The following WDPCP variants were observed in gnomAD, a reference collection of about 807,000 sequenced individuals.
WDPCP encodes the protein WD repeat containing planar cell polarity effector.
WDPCP carries 71 observed loss-of-function variants against 93.1 expected under a neutral mutation model. The ratio of observed to expected loss-of-function variants is 0.76; its 90% CI spans 0.63 to 0.93. The LOEUF is 0.93. Ranked by LOEUF, WDPCP falls within the 40% of genes least tolerant of loss-of-function variation. The pLI is 0.00. For synonymous variants in WDPCP, 315 were observed against 315.0 expected (o/e 1.00, Z 0.00); for missense variants, 844 against 887.4 (o/e 0.95, Z 0.62).
chr2:63,607,408 A>G (rs1272118480), intron 3 of WDPCP, among the ~76,000 whole-genome samples: 1 of 150,732 alleles, frequency 6.6e-6, no homozygotes, highest in Non-Finnish European at 1.5e-5. Context: ...GTGGTGGCAC[A>G]GGTCTGAAAT....
chr2:63,237,039 A>C (rs1478478064), intron 14 of WDPCP, among the ~76,000 whole-genome samples: 1 of 152,160 alleles, frequency 6.6e-6, no homozygotes, highest in East Asian at 1.9e-4. Context: ...CAACAGAATA[A>C]ATAGATAACC....
chr2:63,725,367 G>C (rs539578507), intron 2 of WDPCP, among the ~76,000 whole-genome samples: 55 of 152,298 alleles, frequency 3.6e-4, no homozygotes, highest in Non-Finnish European at 6.6e-4. Flanking sequence ...TGCTGCAAAG[G>C]ACATAGTTTC....
intron 2 of WDPCP, among the ~76,000 whole-genome samples, chr2:63,669,642 G>A (rs1042626758): frequency 2.6e-5 from 4 of 152,176 alleles, no homozygotes; most frequent in African/African-American, 9.7e-5. Flanking sequence ...TTACAAGTGT[G>A]AGCCACCGTG....
intron 12 of WDPCP, among the ~76,000 whole-genome samples, chr2:63,329,213 T>A (rs12466601): frequency 2.0e-5 from 3 of 152,090 alleles, no homozygotes; most frequent in Non-Finnish European, 1.5e-5. Flanking sequence ...CCACTGGCCC[T>A]GGCAATAACT....
chr2:63,651,155 G>A (rs1710104652), intron 2 of WDPCP, among the ~76,000 whole-genome samples: 1 of 151,958 alleles, frequency 6.6e-6, no homozygotes, highest in East Asian at 1.9e-4. Flanking sequence ...CTGTCAGCCT[G>A]GACTGCTCAT....
At chr2:63,313,370 G>A (rs1686330201) in intron 12 of WDPCP, 59 bp from the exon 13 acceptor site, 3 of 1,495,342 alleles carry the variant, frequency 2.0e-6, no homozygotes, top group Non-Finnish European at 1.8e-6. Flanking sequence ...AAAGAAAAGA[G>A]CTGTTTATTT....
chr2:63,325,165 T>C (rs1175033822), intron 12 of WDPCP, among the ~76,000 whole-genome samples: 1 of 152,078 alleles, frequency 6.6e-6, no homozygotes, highest in African/African-American at 2.4e-5. Flanking sequence ...TGCTGCAGCC[T>C]TTGTCATGGC....
At chr2:63,337,396 A>G (rs1471793396) in intron 12 of WDPCP, among the ~76,000 whole-genome samples, 1 of 152,170 alleles carries the variant, frequency 6.6e-6, no homozygotes, top group African/African-American at 2.4e-5. Flanking sequence ...ATTAATGGGC[A>G]CTTAGGTTGC....
At position 63,557,221 on chromosome 2, in the gene WDPCP, G is replaced by C. The variant is rs557384551; in HGVS notation, c.75+30976C>G. Among the ~76,000 whole-genome samples the C allele has an allele frequency of 5.9e-5, 9 of 152,272 alleles. No individual in the cohort carries two copies. In the East Asian group the frequency reaches 1.7e-3, roughly 29 times the overall value. Reference sequence around the variant, plus strand: ...TTAAAAGACACAGAATGACAAGCTAGATAAAGAATCAAGACCCCAACAGTG... The same window carrying C: ...TTAAAAGACACAGAATGACAAGCTACATAAAGAATCAAGACCCCAACAGTG... On this transcript the variant is annotated intron_variant, in intron 1 of 17. Transcript: ENST00000272321.
intron 13 of WDPCP, among the ~76,000 whole-genome samples, chr2:63,293,076 C>A (rs1274530844): frequency 2.0e-5 from 3 of 151,970 alleles, no homozygotes; most frequent in Admixed American, 6.6e-5. Context: ...GGCACCTGAC[C>A]CCTCATTGCA....
chr2:63,251,508 T>G (rs1257835994), intron 14 of WDPCP, among the ~76,000 whole-genome samples: 4 of 146,820 alleles, frequency 2.7e-5, no homozygotes, highest in Non-Finnish European at 4.5e-5. Context: ...TTTTTTTTTT[T>G]TGAGACAGAG....
chr2:63,271,166 A>G (rs1009286480), intron 13 of WDPCP, among the ~76,000 whole-genome samples: 4 of 152,218 alleles, frequency 2.6e-5, no homozygotes, highest in Admixed American at 1.3e-4. Context: ...GACCAGAACC[A>G]AAGTGTGTGC....
chr2:63,559,551 G>A (rs1318749404), intron 1 of WDPCP, among the ~76,000 whole-genome samples: 2 of 152,082 alleles, frequency 1.3e-5, no homozygotes, highest in African/African-American at 4.8e-5. Context: ...AAGTGTCTTA[G>A]GCTGATAAGT....
At chr2:63,446,406 T>A (rs1697872488) in intron 6 of WDPCP, among the ~76,000 whole-genome samples, 1 of 152,234 alleles carries the variant, frequency 6.6e-6, no homozygotes, top group African/African-American at 2.4e-5. Flanking sequence ...TGGCAACGTC[T>A]AGAGACACTG....
intron 14 of WDPCP, among the ~76,000 whole-genome samples, chr2:63,239,127 G>A (rs989897269): frequency 2.6e-5 from 4 of 152,180 alleles, no homozygotes; most frequent in Admixed American, 2.0e-4. Context: ...GGGTGTATGT[G>A]GGAGCTGAAA....
At chr2:63,276,601 T>C (rs1193479822) in intron 13 of WDPCP, among the ~76,000 whole-genome samples, 1 of 152,130 alleles carries the variant, frequency 6.6e-6, no homozygotes, top group African/African-American at 2.4e-5. Flanking sequence ...GTCTCAGCAA[T>C]AGAACTGAAC....
At chr2:63,565,310 G>A (rs935577142) in intron 1 of WDPCP, among the ~76,000 whole-genome samples, 10 of 152,168 alleles carry the variant, frequency 6.6e-5, no homozygotes, top group Non-Finnish European at 8.8e-5. Context: ...TACATAGACT[G>A]AAAATTCAAT....
At chr2:63,473,030 G>A (rs72821631) in intron 6 of WDPCP, among the ~76,000 whole-genome samples, 28,483 of 152,092 alleles carry the variant, frequency 0.19, 3,374 homozygotes, top group Non-Finnish European at 0.24. Flanking sequence ...TTTACAGATG[G>A]AGAATTTCCA....
At chr2:63,350,173 A>G (rs1421251762) in intron 12 of WDPCP, among the ~76,000 whole-genome samples, 1 of 152,206 alleles carries the variant, frequency 6.6e-6, no homozygotes, top group Non-Finnish European at 1.5e-5. Flanking sequence ...CATCATTATC[A>G]GCAAACTATC....
Sources: gnomAD v4.1 joint callset for allele counts (sites outside exome capture counted in the v4.1 genomes callset) on GRCh38, gnomAD v4.1.1 for gene constraint, MANE v1.5 for transcripts, NCBI Gene and HGNC (gene_info 2026-07-23, HGNC 2026-07-21) for gene names.